Variants in MED12L observed in about 807,000 individuals in gnomAD.
MED12L encodes mediator complex subunit 12L.
MED12L carries 60 observed loss-of-function variants against 281.3 expected under a neutral mutation model. That is an observed-to-expected ratio of 0.21 (90% confidence interval 0.17 to 0.26). The LOEUF is 0.26. Among genes scored for constraint, MED12L ranks in the 10% least tolerant of loss-of-function variants. The pLI is 1.00. For synonymous variants in MED12L, 974 were observed against 987.2 expected (o/e 0.99, Z 0.25); for missense variants, 2,146 against 2,680.9 (o/e 0.80, Z 4.41).
At chr3:151,341,514 CA>C (rs1247659717) in intron 16 of MED12L, among the ~76,000 whole-genome samples, 1 of 150,548 alleles carries the variant, frequency 6.6e-6, no homozygotes, top group Non-Finnish European at 1.5e-5. Flanking sequence ...ACCAGAAGGG[CA>C]AAAAATATGT....
chr3:151,162,788 T>A (rs1720170505), intron 8 of MED12L, among the ~76,000 whole-genome samples: 1 of 152,202 alleles, frequency 6.6e-6, no homozygotes, highest in African/African-American at 2.4e-5. Context: ...TGCTGTTGAA[T>A]GGCACAAGAG....
At chr3:151,188,308 G>A in intron 12 of MED12L, 46 bp from the exon 13 acceptor site, 1 of 1,490,054 alleles carries the variant, frequency 6.7e-7, no homozygotes, top group Non-Finnish European at 9.3e-7. Flanking sequence ...GATCTGTTAT[G>A]ACTATACTTC....
At chr3:151,203,362 A>G (rs1352528636) in intron 16 of MED12L, among the ~76,000 whole-genome samples, 1 of 151,384 alleles carries the variant, frequency 6.6e-6, no homozygotes, top group East Asian at 1.9e-4. Flanking sequence ...TTCTTAAGCA[A>G]TTTATTTGTC....
intron 2 of MED12L, among the ~76,000 whole-genome samples, chr3:151,113,401 T>C (rs1712225554): frequency 1.3e-5 from 2 of 152,052 alleles, no homozygotes; most frequent in South Asian, 4.1e-4. Flanking sequence ...CACAGGAACT[T>C]TTAGGACATC....
chr3:151,281,762 A>G (rs535387967), intron 16 of MED12L, among the ~76,000 whole-genome samples: 21 of 152,154 alleles, frequency 1.4e-4, no homozygotes, highest in Non-Finnish European at 2.9e-4. Flanking sequence ...AGCCCACCCC[A>G]CGTGCTCACA....
At chr3:151,380,264 C>A in intron 32 of MED12L, 40 bp downstream of exon 32, 1 of 1,314,914 alleles carries the variant, frequency 7.6e-7, no homozygotes, top group Non-Finnish European at 1.1e-6. Flanking sequence ...AAATATCTTT[C>A]TAACGGCATT....
At chr3:151,249,583 A>C (rs1216762720) in intron 16 of MED12L, among the ~76,000 whole-genome samples, 1 of 152,084 alleles carries the variant, frequency 6.6e-6, no homozygotes. Flanking sequence ...CTCTAGACTT[A>C]TCCTGGTCTA....
intron 16 of MED12L, among the ~76,000 whole-genome samples, chr3:151,259,150 C>T (rs1339826827): frequency 1.3e-5 from 2 of 152,170 alleles, no homozygotes; most frequent in African/African-American, 2.4e-5. Context: ...AAGGTGGTGC[C>T]TCTGCATATT....
chr3:151,153,346 T>C (rs899363155), intron 5 of MED12L, among the ~76,000 whole-genome samples: 5 of 152,166 alleles, frequency 3.3e-5, no homozygotes, highest in Non-Finnish European at 5.9e-5. Context: ...GTAACATTCA[T>C]GATCATAAAC....
At chr3:151,198,985 T>G in intron 16 of MED12L, 1 of 1,614,052 alleles carries the variant, frequency 6.2e-7, no homozygotes, top group Non-Finnish European at 8.5e-7. Context: ...CAACGGTTGA[T>G]ATCATTTTGG....
At chr3:151,424,492 G>A (rs1425419175) in intron 43 of MED12L, among the ~76,000 whole-genome samples, 1 of 152,064 alleles carries the variant, frequency 6.6e-6, no homozygotes, top group Non-Finnish European at 1.5e-5. Flanking sequence ...GGTGGTGGGC[G>A]CTGGTAGTCC....
chr3:151,127,769 C>A, intron 4 of MED12L, 56 bp from the exon 5 acceptor site: 1 of 1,277,510 alleles, frequency 7.8e-7, no homozygotes, highest in Non-Finnish European at 1.1e-6. Flanking sequence ...TTAGGTTTAT[C>A]TAGTGATGAA....
chr3:151,319,578 T>A (rs906363785), intron 16 of MED12L, among the ~76,000 whole-genome samples: 1 of 152,026 alleles, frequency 6.6e-6, no homozygotes, highest in African/African-American at 2.4e-5. Flanking sequence ...TCTAACATTA[T>A]TTTTAAAGGT....
At chr3:151,228,754 C>G (rs1731030614) in intron 16 of MED12L, among the ~76,000 whole-genome samples, 2 of 152,246 alleles carry the variant, frequency 1.3e-5, no homozygotes, top group South Asian at 4.1e-4. Flanking sequence ...CTCTGCATCA[C>G]TCCTGGCTTC....
At chr3:151,162,331 C>T (rs1209112771) in intron 8 of MED12L, among the ~76,000 whole-genome samples, 1 of 152,158 alleles carries the variant, frequency 6.6e-6, no homozygotes, top group Non-Finnish European at 1.5e-5. Flanking sequence ...AGGGACTTGA[C>T]ATTCTTTGTA....
intron 3 of MED12L, among the ~76,000 whole-genome samples, chr3:151,120,279 T>C (rs997308184): frequency 3.9e-5 from 6 of 151,908 alleles, no homozygotes; most frequent in Non-Finnish European, 7.4e-5. Flanking sequence ...TTACCTCTTA[T>C]ACCTTGTTTG....
In MED12L at chr3:151,155,016, A is replaced by C. The variant is rs184204720; in HGVS notation, c.557-1145A>C. On this transcript the variant is annotated intron_variant, in intron 5 of 44. Transcript: ENST00000687756. The stretch of plus-strand genomic sequence containing the variant: ...AAGACACAATTAAAATAAGTGGTTT[A>C]GATGAAAACTTAACAGTAGTTATCT... 3.2e-3 allele frequency among the ~76,000 whole-genome samples: 486 copies of C among 152,386 alleles called. 1 individual carries two copies. Among genetic ancestry groups the C allele is most frequent in the Middle Eastern group, 0.01 (3 of 294 alleles).
At chr3:151,114,262 A>G (rs1712378804) in intron 2 of MED12L, among the ~76,000 whole-genome samples, 1 of 152,224 alleles carries the variant, frequency 6.6e-6, no homozygotes, top group African/African-American at 2.4e-5. Flanking sequence ...TCACGATTTC[A>G]GTGACCTATG....
rs537529805 is a variant in MED12L, at chr3:151,180,906, C to G, written c.1495-4424C>G. ...ACTACATTGTTTAACATGTAAGCAACTACCCTATTCTTCTTCCAAAGAATC... is the reference window on the plus strand; with the variant it reads ...ACTACATTGTTTAACATGTAAGCAAGTACCCTATTCTTCTTCCAAAGAATC... On this transcript the variant is annotated intron_variant, in intron 11 of 44. Transcript: ENST00000687756. Among the ~76,000 whole-genome samples, 195 of 152,290 alleles carry G rather than the reference C, an allele frequency of 1.3e-3. 1 individual carries two copies. Among genetic ancestry groups the G allele is most frequent in the African/African-American group, 4.2e-3 (175 of 41,554 alleles).
Sources: allele counts gnomAD v4.1 joint callset (sites outside exome capture counted in the v4.1 genomes callset), GRCh38; gene constraint gnomAD v4.1.1; transcripts MANE v1.5; gene names NCBI Gene and HGNC (gene_info 2026-07-23, HGNC 2026-07-21).